The following RNASEL variants were observed in gnomAD, a reference collection of about 807,000 sequenced individuals.
RNASEL encodes the protein 2-5A-dependent ribonuclease.
RNASEL carries 36 observed loss-of-function variants against 50.9 expected under a neutral mutation model. The observed-to-expected ratio is 0.71, with a 90% confidence interval of 0.54 to 0.93. The LOEUF is 0.93. RNASEL is among the 40% of genes least tolerant of loss of function. RNASEL has a pLI of 0.00. For missense variants in RNASEL, 860 were observed against 894.5 expected (o/e 0.96, Z 0.49); for synonymous variants, 335 against 335.6 (o/e 1.00, Z 0.02).
At position 182,576,249 on chromosome 1, in the gene RNASEL, T is replaced by C. The variant is rs2102362619; in HGVS notation, c.2039+7A>G. 1 of 1,609,900 alleles carries C rather than the reference T, an allele frequency of 6.2e-7. No homozygotes were observed. On this transcript the variant is annotated splice_region_variant and intron_variant, in intron 6 of 6. Coordinates refer to ENST00000367559, the MANE Select transcript of RNASEL (RefSeq NM_021133.4). Reference sequence around the variant, plus strand: ...ATATAATTTGTAGGAATGAAAACAATACTTACTTTTTATGCTTTTCTTCAT... The same window carrying C: ...ATATAATTTGTAGGAATGAAAACAACACTTACTTTTTATGCTTTTCTTCAT...
At position 182,586,245 on chromosome 1, in the gene RNASEL, G is replaced by A. The variant is rs1320899371; in HGVS notation, c.562C>T (p.Leu188Phe). Reference sequence around the variant, plus strand: ...TTTACATCTGCCCCCATCTCATCAAGGAGAATCTTCAAGACCTCTACGTGT... The same window carrying A: ...TTTACATCTGCCCCCATCTCATCAAAGAGAATCTTCAAGACCTCTACGTGT... ...KGHVEVLKIL[L>F]DEMGADVNAC... is the part of the protein sequence containing the mutation. Residue 188 changes from leucine to phenylalanine, a missense_variant, in exon 2 of 7, where the codon CTT (leucine) becomes TTT (phenylalanine). Coordinates refer to ENST00000367559, the MANE Select transcript of RNASEL (RefSeq NM_021133.4). 3.7e-6 allele frequency: 6 copies of A among 1,614,064 alleles called. No individual in the cohort carries two copies. The Admixed American group carries it at 1.0e-4, about 27-fold the overall frequency.
chr1:182,587,615 CAAAAA>C (rs34085847), intron 1 of RNASEL, among the ~76,000 whole-genome samples: 2 of 94,062 alleles, frequency 2.1e-5, no homozygotes, highest in Admixed American at 1.2e-4. Context: ...AGGTGGCTTC[CAAAAA>C]AAAAAAAAAA....
At chr1:182,577,282 A>G (rs1661407824) in intron 5 of RNASEL, among the ~76,000 whole-genome samples, 1 of 152,126 alleles carries the variant, frequency 6.6e-6, no homozygotes, top group Admixed American at 6.5e-5. Flanking sequence ...TTCCAAGTAA[A>G]TTGTTTTCAT....
Position 182,575,410 on chromosome 1 carries a change from C to A in RNASEL, c.2208G>T (p.Leu736Phe). The change falls in exon 7 of 7, where the codon TTG (leucine) becomes TTT (phenylalanine). Residue 736 changes from leucine (L) to phenylalanine (F), a missense_variant. By Grantham distance (22) the Leu-to-Phe change is conservative (BLOSUM62 0). Coordinates refer to ENST00000367559, the MANE Select transcript of RNASEL (RefSeq NM_021133.4). ...QCDGAGGASG[L>F]ASPGC ...CAGTCCATCAGCACCCAGGGCTGGC[C>A]AACCCACTGGCCCCACCAGCTCCAT... is the stretch of plus-strand genomic sequence containing the variant. The A allele has an allele frequency of 6.2e-7, 1 of 1,614,140 alleles. No individual in the cohort carries two copies. Among genetic ancestry groups the A allele is most frequent in the South Asian group, 1.1e-5 (1 of 91,078 alleles).
intron 4 of RNASEL, among the ~76,000 whole-genome samples, chr1:182,581,774 C>G (rs1661502440): frequency 6.6e-6 from 1 of 152,104 alleles, no homozygotes. Flanking sequence ...GCCACCGCGC[C>G]TGGCTAGATT....
chr1:182,585,545 T>A lies in RNASEL; in HGVS notation c.1262A>T (p.Tyr421Phe). The A allele has an allele frequency of 6.2e-7, 1 of 1,614,152 alleles. No homozygotes were observed. The highest frequency in any genetic ancestry group is 8.5e-7 in the Non-Finnish European group (1 of 1,180,016). ...GTGGCCCCTGTGGCTCTCACTCCCA[T>A]AGAATGTCACCAAGTGACTGTTCTC... is the stretch of plus-strand genomic sequence containing the variant. ...SRENSHLVTFYGSESHRGHLF... is the reference protein window; with the variant it reads ...SRENSHLVTFFGSESHRGHLF... Residue 421 changes from tyrosine to phenylalanine, a missense_variant, in exon 2 of 7, where the codon TAT (tyrosine) becomes TTT (phenylalanine). Physicochemically the swap from Tyr to Phe is conservative, Grantham distance 22 (BLOSUM62 3). Coordinates refer to ENST00000367559, the MANE Select transcript of RNASEL (RefSeq NM_021133.4).
chr1:182,584,796 CT>C (rs1661560834), intron 2 of RNASEL, among the ~76,000 whole-genome samples: 1 of 152,170 alleles, frequency 6.6e-6, no homozygotes, highest in Admixed American at 6.5e-5. Context: ...CACCATATTG[CT>C]TCCTGGGACT....
At chr1:182,581,468 TC>T (rs377010786) in intron 4 of RNASEL, 111 bp from the exon 5 acceptor site, 4 of 1,123,936 alleles carry the variant, frequency 3.6e-6, no homozygotes, top group South Asian at 2.9e-5. Context: ...TCTTGGTTTT[TC>T]TTTCTTTTTT....
intron 5 of RNASEL, among the ~76,000 whole-genome samples, chr1:182,577,795 C>A (rs1661418322): frequency 6.6e-6 from 1 of 152,104 alleles, no homozygotes; most frequent in Non-Finnish European, 1.5e-5. Context: ...ACACATAGAT[C>A]AATGGAACAG....
Position 182,586,886 on chromosome 1 carries a change from A to C in RNASEL, c.-80T>G. ...TTTATCTCCTAGCACTTAATCAAAG[A>C]AGCTTTGAGTGTAAATTGGGATTCT... On this transcript the variant is annotated 5_prime_UTR_variant, in exon 2 of 7. Coordinates refer to ENST00000367559, the MANE Select transcript of RNASEL (RefSeq NM_021133.4). The C allele has an allele frequency of 6.3e-7, 1 of 1,580,622 alleles. No individual in the cohort carries two copies. Among genetic ancestry groups the C allele is most frequent in the South Asian group, 1.1e-5 (1 of 90,106 alleles).
chr1:182,584,504 G>A (rs191210183), intron 2 of RNASEL, among the ~76,000 whole-genome samples: 2 of 152,298 alleles, frequency 1.3e-5, no homozygotes, highest in East Asian at 1.9e-4. Context: ...CTTACACTGA[G>A]CTTAAATCTC....
At chr1:182,579,370 T>C (rs1558469882) in intron 5 of RNASEL, 1 of 990,418 alleles carries the variant, frequency 1.0e-6, no homozygotes, top group East Asian at 1.1e-4. Flanking sequence ...AGAAAGAGTT[T>C]GGGCTACGAG....
intron 2 of RNASEL, among the ~76,000 whole-genome samples, chr1:182,584,598 A>G (rs1163617034): frequency 2.0e-5 from 3 of 152,186 alleles, no homozygotes; most frequent in African/African-American, 4.8e-5. Context: ...TGATGTACCA[A>G]ATGACTTACT....
At position 182,585,397 on chromosome 1, in the gene RNASEL, C is replaced by T; in HGVS notation, c.1410G>A (p.Lys470=). The T allele has an allele frequency of 6.2e-7, 1 of 1,614,138 alleles. No homozygotes were observed. Among genetic ancestry groups the T allele is most frequent in the Non-Finnish European group, 8.5e-7 (1 of 1,180,014 alleles). ...FARNVLSSIF[K]AVQELHLSCG... ...AGGACAAGTGTAGTTCTTGAACAGC[C>T]TTAAATATAGATGACAGGACATTTC... Residue 470 remains lysine, a synonymous_variant, in exon 2 of 7, where the codon AAG becomes AAA. Coordinates refer to ENST00000367559, the MANE Select transcript of RNASEL (RefSeq NM_021133.4).
At chr1:182,575,626 T>C (rs1661364602) in intron 6 of RNASEL, 48 bp from the exon 7 acceptor site, 1 of 1,608,336 alleles carries the variant, frequency 6.2e-7, no homozygotes, top group Non-Finnish European at 8.5e-7. Flanking sequence ...AAATTATTCT[T>C]CCCCGCTTCA....
At chr1:182,576,452 T>C in intron 5 of RNASEL, 63 bp from the exon 6 acceptor site, 1 of 1,344,228 alleles carries the variant, frequency 7.4e-7, no homozygotes, top group Non-Finnish European at 1.0e-6. Context: ...TGATGAAATA[T>C]TCATACCAAA....
chr1:182,586,092 C>T lies in RNASEL; in HGVS notation c.715G>A (p.Gly239Arg), dbSNP rs376574386. 6 of 1,614,028 alleles carry T rather than the reference C, an allele frequency of 3.7e-6. No individual in the cohort carries two copies. In the African/African-American group the frequency reaches 8.0e-5, roughly 22 times the overall value. ...ACTGCCAGGATCAGGGGAGTCTTCC[C>T]TCTTTCTCCCCTCACATTGACATCA... ...GADVNVRGER[G>R]KTPLILAVEK... The change falls in exon 2 of 7, where the codon GGG becomes AGG. Residue 239 changes from glycine (G) to arginine (R), a missense_variant. Physicochemically the swap from Gly to Arg is moderately radical, Grantham distance 125. Transcript: ENST00000367559.
intron 1 of RNASEL, 101 bp downstream of exon 1, chr1:182,589,066 C>G (rs1243439959): frequency 1.3e-5 from 2 of 152,294 alleles, no homozygotes; most frequent in Admixed American, 6.5e-5. Flanking sequence ...TCCCACTTCC[C>G]AAGTCCTCCA....
intron 5 of RNASEL, chr1:182,578,590 A>G (rs1320737762): frequency 6.6e-6 from 1 of 152,200 alleles, no homozygotes; most frequent in Non-Finnish European, 1.5e-5. Context: ...AGTAGCTGGG[A>G]TTACAGACGT....
Sources: allele counts gnomAD v4.1 joint callset (sites outside exome capture counted in the v4.1 genomes callset), GRCh38; gene constraint gnomAD v4.1.1; transcripts MANE v1.5; gene names NCBI Gene and HGNC (gene_info 2026-07-23, HGNC 2026-07-21).